The following ATP1A2 variants were observed in gnomAD, a reference collection of about 807,000 sequenced individuals.
ATP1A2 encodes the protein sodium/potassium-transporting ATPase subunit alpha-2.
A neutral mutation model predicts 113.1 loss-of-function variants in ATP1A2; 56 were observed. The ratio of observed to expected loss-of-function variants is 0.49; its 90% CI spans 0.40 to 0.62. The LOEUF is 0.62. ATP1A2 is among the 20% of genes least tolerant of loss of function. ATP1A2 has a pLI of 0.00. For synonymous variants in ATP1A2, 490 were observed against 526.8 expected (o/e 0.93, Z 0.96); for missense variants, 712 against 1,357.8 (o/e 0.52, Z 7.47).
chr1:160,141,174 C>T, intron 22 of ATP1A2, 120 bp from the exon 23 acceptor site: 1 of 1,204,662 alleles, frequency 8.3e-7, no homozygotes, highest in South Asian at 1.3e-5. Flanking sequence ...CCACTTCCCC[C>T]AGTGCCCTTC....
In ATP1A2 at chr1:160,135,002, A is replaced by G; in HGVS notation, c.1965-143A>G. On this transcript the variant is annotated intron_variant, in intron 14 of 22. Transcript: ENST00000361216. The surrounding 1 kb of genome is among the most constrained non-coding windows in gnomAD (Gnocchi z 6.3). ...TCAAAGAGAAATGGGGGAAGTGAGT[A>G]CTGAGGAGAGGAGAACTGAAGCAAC... 9.6e-7 allele frequency: 1 copy of G among 1,039,738 alleles called. No individual in the cohort carries two copies. The highest frequency in any genetic ancestry group is 2.6e-5 in the East Asian group (1 of 38,778). The allele number at this position is 1,039,738 out of a possible 1,614,324, so 64.4% of individuals were successfully genotyped here. A position where few individuals can be genotyped will look rare whatever the true frequency, so the allele number is the denominator to read the frequency against.
In ATP1A2 at chr1:160,127,719, G is replaced by A. The variant is rs748881406; in HGVS notation, c.916G>A (p.Val306Met). The A allele has an allele frequency of 5.0e-6, 8 of 1,614,170 alleles. No homozygotes were observed. Among genetic ancestry groups the A allele is most frequent in the Non-Finnish European group, 6.8e-6 (8 of 1,180,026 alleles). ...TGTATTCCTGGGGGTCTCCTTCTTC[G>A]TGCTCTCCCTCATCCTGGGCTACAG... ...VAVFLGVSFF[V>M]LSLILGYSWL... Residue 306 changes from valine (V) to methionine (M), a missense_variant, in exon 8 of 23, where the codon GTG becomes ATG. Coordinates refer to ENST00000361216, the MANE Select transcript of ATP1A2 (RefSeq NM_000702.4).
chr1:160,117,933 T>G (rs1651241981), intron 1 of ATP1A2, among the ~76,000 whole-genome samples: 2 of 146,334 alleles, frequency 1.4e-5, no homozygotes, highest in Non-Finnish European at 1.5e-5. Flanking sequence ...GAGGGGGACT[T>G]GTGGTTGGGG....
At position 160,136,735 on chromosome 1, in the gene ATP1A2, C is replaced by T. The variant is rs779538425; in HGVS notation, c.2709+20C>T. 6.2e-7 allele frequency: 1 copy of T among 1,614,156 alleles called. No homozygotes were observed. Among genetic ancestry groups the T allele is most frequent in the South Asian group, 1.1e-5 (1 of 91,070 alleles). ...GAGTGGGTGAGTGGTGCTGTGTAAA[C>T]ACAGCGCACATGTGTGAAGGTACGG... is the stretch of plus-strand genomic sequence containing the variant. On this transcript the variant is annotated intron_variant, in intron 19 of 22. Transcript: ENST00000361216.
At chr1:160,128,398 G>A (rs1471212988) in intron 8 of ATP1A2, 1 of 1,026,590 alleles carries the variant, frequency 9.7e-7, no homozygotes, top group South Asian at 1.4e-5. Context: ...ACATCCCTAT[G>A]CTCAGCTCTG....
In ATP1A2 at chr1:160,121,202, A is replaced by G. The variant is rs796052281; in HGVS notation, c.128A>G (p.Lys43Arg). Residue 43 changes from lysine (K) to arginine (R), a missense_variant, in exon 3 of 23, where the codon AAG (lysine) becomes AGG (arginine). By Grantham distance (26) the Lys-to-Arg change is conservative. Coordinates refer to ENST00000361216, the MANE Select transcript of ATP1A2 (RefSeq NM_000702.4). ...LKKEVAMDDH[K>R]LSLDELGRKY... ...CCCTCCCTTCCCCAGGATGACCACA[A>G]GCTGTCCTTGGATGAGCTGGGCCGC... is the stretch of plus-strand genomic sequence containing the variant. 6.2e-7 allele frequency: 1 copy of G among 1,614,218 alleles called. No individual in the cohort carries two copies.
intron 20 of ATP1A2, among the ~76,000 whole-genome samples, 174 bp from the exon 21 acceptor site, chr1:160,139,466 A>G (rs1267220900): frequency 6.6e-6 from 1 of 152,248 alleles, no homozygotes; most frequent in Non-Finnish European, 1.5e-5. Context: ...AAGCAGAAAA[A>G]CAAATAACAT....
rs747490942 is a variant in ATP1A2, at chr1:160,129,418, G to T, written c.1461+18G>T. ...AGTACCAGGTCTGCTTGGGTTGCCA[G>T]GACAGAGGAAGAGAGAGGGATATAA... is the stretch of plus-strand genomic sequence containing the variant. On this transcript the variant is annotated intron_variant, in intron 11 of 22. Transcript: ENST00000361216. 1.2e-6 allele frequency: 2 copies of T among 1,610,810 alleles called. No homozygotes were observed. Among genetic ancestry groups the T allele is most frequent in the Non-Finnish European group, 1.7e-6 (2 of 1,180,008 alleles).
intron 13 of ATP1A2, among the ~76,000 whole-genome samples, chr1:160,131,025 A>C (rs558593419): frequency 1.3e-5 from 2 of 151,944 alleles, no homozygotes; most frequent in Non-Finnish European, 2.9e-5. Flanking sequence ...CCTCCCACTC[A>C]AGGTTCTCTT....
chr1:160,134,363 C>A, intron 13 of ATP1A2, 121 bp from the exon 14 acceptor site: 1 of 1,419,370 alleles, frequency 7.0e-7, no homozygotes, highest in Non-Finnish European at 9.7e-7. Context: ...GCCCTTATTT[C>A]GGTTGGGATC....
intron 1 of ATP1A2, among the ~76,000 whole-genome samples, chr1:160,119,414 G>A (rs1651303426): frequency 6.6e-6 from 1 of 152,146 alleles, no homozygotes; most frequent in South Asian, 2.1e-4. Context: ...GGAGAAATAG[G>A]CACCAGGTGG....
rs2101995435 is a variant in ATP1A2, at chr1:160,135,841, C to T, written c.2287C>T (p.Arg763Cys). The change falls in exon 17 of 23, where the codon CGC (arginine) becomes TGC (cysteine). Residue 763 changes from arginine (R) to cysteine (C), a missense_variant and splice_region_variant. This residue lies in a region of ATP1A2 where 188 missense variants were observed against 438.9 expected (regional missense o/e 0.43). Transcript: ENST00000361216. The surrounding 1 kb of genome is among the most constrained non-coding windows in gnomAD (Gnocchi z 6.3). ...ATGCCCTCAGAATCTCCCCACAGGC[C>T]GCCTGATCTTTGACAACTTGAAGAA... ...ASIVTGVEEG[R>C]LIFDNLKKSI... is the part of the protein sequence containing the mutation. 1 of 1,614,130 alleles carries T rather than the reference C, an allele frequency of 6.2e-7. No homozygotes were observed. Among genetic ancestry groups the T allele is most frequent in the South Asian group, 1.1e-5 (1 of 91,078 alleles).
At chr1:160,127,858 C>T (rs1651631924) in intron 8 of ATP1A2, 38 bp downstream of exon 8, 1 of 1,548,348 alleles carries the variant, frequency 6.5e-7, no homozygotes, top group African/African-American at 1.4e-5. Flanking sequence ...AGGGGAGGGT[C>T]TCACTACTCT....
chr1:160,134,743 A>G, intron 14 of ATP1A2, 123 bp downstream of exon 14: 1 of 1,383,170 alleles, frequency 7.2e-7, no homozygotes, highest in South Asian at 1.2e-5. Flanking sequence ...TACCTCTGAC[A>G]CTATTGTGAC....
At chr1:160,127,886 G>A (rs1402841134) in intron 8 of ATP1A2, 66 bp downstream of exon 8, 35 of 1,521,468 alleles carry the variant, frequency 2.3e-5, no homozygotes, top group Non-Finnish European at 3.1e-5. Context: ...GAGTGATAGA[G>A]GCACAGTTGC....
chr1:160,126,763 G>A lies in ATP1A2; in HGVS notation c.749-789G>A, dbSNP rs562605157. Among the ~76,000 whole-genome samples the A allele has an allele frequency of 3.3e-5, 5 of 152,204 alleles. No homozygotes were observed. In the East Asian group the frequency reaches 5.8e-4, roughly 18 times the overall value. Reference sequence around the variant, plus strand: ...TGGGATTACAGGCATGAGCCACCGAGCCTGGCCAAATTTCCTAAATTTTTA... The same window carrying A: ...TGGGATTACAGGCATGAGCCACCGAACCTGGCCAAATTTCCTAAATTTTTA... On this transcript the variant is annotated intron_variant, in intron 7 of 22. Coordinates refer to ENST00000361216, the MANE Select transcript of ATP1A2 (RefSeq NM_000702.4).
rs78911040 is a variant in ATP1A2 at position 160,122,363 on chromosome 1, G to A, written c.178-850G>A. On this transcript the variant is annotated intron_variant, in intron 3 of 22. Coordinates refer to ENST00000361216, the MANE Select transcript of ATP1A2 (RefSeq NM_000702.4). ...GTTGGTCTTGTCCATCTCTGCATCC[G>A]CAGAGTGACAATTGTGCCTGGCACT... Among the ~76,000 whole-genome samples, 246 of 149,882 alleles carry A rather than the reference G, an allele frequency of 1.6e-3. 1 individual carries two copies. Among genetic ancestry groups the A allele is most frequent in the Non-Finnish European group, 1.9e-3 (132 of 67,756 alleles).
chr1:160,139,529 ACTATGTCGTT>A, intron 20 of ATP1A2, 101 bp from the exon 21 acceptor site: 1 of 909,864 alleles, frequency 1.1e-6, no homozygotes, highest in Non-Finnish European at 1.8e-6. Context: ...AAGACATGCG[ACTATGTCGTT>A]TAGAATTCTC....
chr1:160,130,460 C>T lies in ATP1A2; in HGVS notation c.1690C>T (p.Arg564Trp), dbSNP rs762330744. The change falls in exon 13 of 23, where the codon CGG becomes TGG. Residue 564 changes from arginine to tryptophan, a missense_variant. Arg to Trp is a moderately radical substitution (Grantham distance 101, BLOSUM62 -3). Transcript: ENST00000361216. Reference sequence around the variant, plus strand: ...GAATCTGCCATCTGGAAAGTTTCCTCGGGGCTTCAAATTCGACACGGATGA... The same window carrying T: ...GAATCTGCCATCTGGAAAGTTTCCTTGGGGCTTCAAATTCGACACGGATGA... ...QLNLPSGKFP[R>W]GFKFDTDELN... The T allele has an allele frequency of 8.7e-6, 14 of 1,614,086 alleles. No individual in the cohort carries two copies. Among genetic ancestry groups the T allele is most frequent in the East Asian group, 2.2e-5 (1 of 44,894 alleles).
Sources: allele counts gnomAD v4.1 joint callset (sites outside exome capture counted in the v4.1 genomes callset), GRCh38; gene constraint gnomAD v4.1.1; regional missense constraint gnomAD v4.1.1; non-coding constraint Gnocchi (gnomAD v3.1); transcripts MANE v1.5; gene names NCBI Gene and HGNC (gene_info 2026-07-23, HGNC 2026-07-21).